The following NAV3 variants were observed in gnomAD, a reference collection of about 807,000 sequenced individuals.
NAV3 encodes the protein pore membrane and/or filament interacting like protein 1.
A neutral mutation model predicts 244.7 loss-of-function variants in NAV3; 87 were observed. The ratio of observed to expected loss-of-function variants is 0.36; its 90% CI spans 0.30 to 0.42. The LOEUF is 0.42. Ranked by LOEUF, NAV3 falls within the 20% of genes least tolerant of loss-of-function variation. The pLI, the probability that NAV3 is intolerant of heterozygous loss-of-function variation, is 1.00. For synonymous variants in NAV3, 1,126 were observed against 1,042.2 expected, an observed-to-expected ratio of 1.08 and a Z score of -1.55; for missense variants, 2,663 against 2,893.3, an observed-to-expected ratio of 0.92 and a Z score of 1.83.
At chr12:78,114,463 GA>G (rs1955267133) in intron 12 of NAV3, among the ~76,000 whole-genome samples, 1 of 152,172 alleles carries the variant, frequency 6.6e-6, no homozygotes, top group South Asian at 2.1e-4. Context: ...AAGGCCTCAG[GA>G]AACAGAATCA....
chr12:77,862,105 C>T (rs1879337643), intron 1 of NAV3, among the ~76,000 whole-genome samples: 1 of 151,472 alleles, frequency 6.6e-6, no homozygotes, highest in South Asian at 2.1e-4. Context: ...CAGGCAAATG[C>T]AGTTCTGAGA....
intron 38 of NAV3, among the ~76,000 whole-genome samples, chr12:78,204,713 A>G (rs967641584): frequency 3.3e-5 from 5 of 152,100 alleles, no homozygotes; most frequent in African/African-American, 1.2e-4. Context: ...GTTGACATCT[A>G]TTCCAAATAT....
chr12:77,793,481 C>T (rs1871274833), intron 2 of NAV3, among the ~76,000 whole-genome samples: 1 of 152,116 alleles, frequency 6.6e-6, no homozygotes, highest in Non-Finnish European at 1.5e-5. Flanking sequence ...TTGCCCCCCA[C>T]ACCCTGACAG....
chr12:78,064,343 C>T (rs1007358035), intron 12 of NAV3, among the ~76,000 whole-genome samples: 1 of 152,076 alleles, frequency 6.6e-6, no homozygotes, highest in East Asian at 1.9e-4. Context: ...GGGTTTCATG[C>T]TGTATTCTCA....
At chr12:78,030,583 T>C (rs1878813247) in intron 9 of NAV3, among the ~76,000 whole-genome samples, 1 of 152,174 alleles carries the variant, frequency 6.6e-6, no homozygotes, top group Admixed American at 6.5e-5. Flanking sequence ...TGTTGTGAGG[T>C]ATGGTATTAT....
intron 16 of NAV3, among the ~76,000 whole-genome samples, chr12:78,126,797 G>A (rs566082604): frequency 2.3e-4 from 35 of 152,254 alleles, no homozygotes; most frequent in African/African-American, 6.7e-4. Flanking sequence ...AACTTAGCCA[G>A]AGCAGATCTA....
chr12:77,593,631 CTTT>C (rs566083715), intron 2 of NAV3, among the ~76,000 whole-genome samples: 8 of 118,504 alleles, frequency 6.8e-5, no homozygotes, highest in African/African-American at 9.2e-5. Context: ...ATCCCAGCTA[CTTT>C]TTTTTTTTTT....
At chr12:77,888,706 C>G (rs974841339) in intron 1 of NAV3, among the ~76,000 whole-genome samples, 2 of 152,050 alleles carry the variant, frequency 1.3e-5, no homozygotes, top group Non-Finnish European at 2.9e-5. Flanking sequence ...ATAGTTTATG[C>G]TGATTAAGAA....
At chr12:77,976,709 C>CT (rs1868497579) in intron 5 of NAV3, among the ~76,000 whole-genome samples, 1 of 100,966 alleles carries the variant, frequency 9.9e-6, no homozygotes, top group African/African-American at 4.2e-5. Flanking sequence ...GAGTCTTACT[C>CT]TGTCACCAGG....
At chr12:77,976,715 C>T (rs568556918) in intron 5 of NAV3, among the ~76,000 whole-genome samples, 1 of 119,486 alleles carries the variant, frequency 8.4e-6, no homozygotes, top group African/African-American at 3.3e-5. Context: ...TACTCTGTCA[C>T]CAGGCTGGAG....
intron 5 of NAV3, among the ~76,000 whole-genome samples, chr12:77,986,985 AATG>A (rs1182768351): frequency 2.6e-5 from 4 of 152,314 alleles, no homozygotes; most frequent in Admixed American, 1.3e-4. Flanking sequence ...AAAAATTTTA[AATG>A]ATAATATTTG....
intron 3 of NAV3, among the ~76,000 whole-genome samples, chr12:77,951,504 G>A (rs535290851): frequency 3.3e-5 from 5 of 152,188 alleles, no homozygotes; most frequent in South Asian, 2.1e-4. Context: ...TGTGGAAGAC[G>A]GTGCGGCGGT....
intron 3 of NAV3, among the ~76,000 whole-genome samples, chr12:77,960,594 CAT>C (rs778097022): frequency 3.4e-5 from 5 of 147,990 alleles, no homozygotes; most frequent in South Asian, 2.1e-4. Context: ...TAATATATAA[CAT>C]ATATGTAATG....
At chr12:77,929,798 ATTTTTTTTTTTTT>A (rs10602394) in intron 1 of NAV3, among the ~76,000 whole-genome samples, 5 of 106,044 alleles carry the variant, frequency 4.7e-5, no homozygotes, top group African/African-American at 1.8e-4. Context: ...ACGGCCAGCT[ATTTTTTTTTTTTT>A]TTTTTTTTTG....
At chr12:78,042,935 T>G (rs7976447) in intron 9 of NAV3, among the ~76,000 whole-genome samples, 1 of 112,732 alleles carries the variant, frequency 8.9e-6, no homozygotes, top group South Asian at 2.3e-4. Context: ...ATGATCATAG[T>G]TTTTTTTTTT....
At chr12:77,912,122 C>G (rs965864695) in intron 1 of NAV3, among the ~76,000 whole-genome samples, 1 of 152,022 alleles carries the variant, frequency 6.6e-6, no homozygotes, top group South Asian at 2.1e-4. Context: ...GGAATTGTGC[C>G]TACCAAAAAA....
intron 2 of NAV3, among the ~76,000 whole-genome samples, chr12:77,819,687 TGAA>T (rs1872657417): frequency 1.3e-5 from 2 of 152,118 alleles, no homozygotes; most frequent in Non-Finnish European, 2.9e-5. Flanking sequence ...ACAGGAAAAG[TGAA>T]GAAGTTCCTC....
chr12:77,997,095 C>T (rs76052872), intron 6 of NAV3, among the ~76,000 whole-genome samples: 3 of 151,818 alleles, frequency 2.0e-5, no homozygotes, highest in Non-Finnish European at 4.4e-5. Flanking sequence ...AAAGATGAGC[C>T]GGGCATGATA....
At chr12:77,742,832 C>T (rs1174035552) in intron 2 of NAV3, among the ~76,000 whole-genome samples, 1 of 151,942 alleles carries the variant, frequency 6.6e-6, no homozygotes, top group Non-Finnish European at 1.5e-5. Flanking sequence ...TAAAACATCA[C>T]GTGACCCTGA....
Sources: gnomAD v4.1 joint callset for allele counts (sites outside exome capture counted in the v4.1 genomes callset) on GRCh38, gnomAD v4.1.1 for gene constraint, MANE v1.5 for transcripts, NCBI Gene and HGNC (gene_info 2026-07-23, HGNC 2026-07-21) for gene names.